NIPBL: variants seen among roughly 807,000 people sequenced by gnomAD.
The protein encoded by NIPBL is NIPBL cohesin loading factor.
NIPBL carries 19 observed loss-of-function variants against 321.8 expected under a neutral mutation model. The ratio of observed to expected loss-of-function variants is 0.06; its 90% CI spans 0.04 to 0.09. The LOEUF (loss-of-function observed/expected upper bound fraction) is 0.09. Ranked by LOEUF, NIPBL falls within the 10% of genes least tolerant of loss-of-function variation. NIPBL has a pLI of 1.00. For missense variants in NIPBL, 2,210 were observed against 3,327.0 expected (o/e 0.66, Z 8.26); for synonymous variants, 1,106 against 1,114.1 (o/e 0.99, Z 0.14).
chr5:36,985,389 A>G lies in NIPBL; in HGVS notation c.2209A>G (p.Lys737Glu). The change falls in exon 10 of 47, where the codon AAG becomes GAG. Residue 737 changes from lysine (K) to glutamate (E), a missense_variant. By Grantham distance (56) the Lys-to-Glu change is moderately conservative. Around this residue, in one of 14 missense-constraint regions of NIPBL, gnomAD observed 588 missense variants for 564.1 expected, o/e 1.04. Transcript: ENST00000282516. ...GGGTGATGGAAGGCCTGAAACTCCA[A>G]AGCAAAAAGGTGAGAGCCGCCCTGA... ...QKGDGRPETP[K>E]QKGESRPETP... 6.2e-7 allele frequency: 1 copy of G among 1,613,710 alleles called. No homozygotes were observed. Among genetic ancestry groups the G allele is most frequent in the Non-Finnish European group, 8.5e-7 (1 of 1,179,936 alleles).
rs748290328 is a variant in NIPBL, at chr5:37,064,740, G to A, written c.8263G>A (p.Asp2755Asn). Residue 2755 changes from aspartate to asparagine, a missense_variant, in exon 47 of 47, where the codon GAT (aspartate) becomes AAT (asparagine). By Grantham distance (23) the Asp-to-Asn change is conservative. Transcript: ENST00000282516. Reference protein sequence around the residue: ...SGSWTEAKRRDGRKLVPWVDT... With the variant: ...SGSWTEAKRRNGRKLVPWVDT... ...CTCCTGGACTGAGGCTAAGCGCCGT[G>A]ATGGCCGCAAACTGGTGCCTTGGGT... 6.5e-5 allele frequency: 105 copies of A among 1,614,198 alleles called. No individual in the cohort carries two copies. The highest frequency in any genetic ancestry group is 8.4e-5 in the Non-Finnish European group (99 of 1,180,036).
chr5:37,033,268 T>C (rs1204378187), intron 32 of NIPBL, among the ~76,000 whole-genome samples: 1 of 152,086 alleles, frequency 6.6e-6, no homozygotes, highest in Non-Finnish European at 1.5e-5. Flanking sequence ...GATTGTAAAA[T>C]GTATATGGAA....
chr5:37,064,566 T>C lies in NIPBL; in HGVS notation c.8089T>C (p.Leu2697=). The C allele has an allele frequency of 1.2e-6, 2 of 1,613,890 alleles. No individual in the cohort carries two copies. Among genetic ancestry groups the C allele is most frequent in the Non-Finnish European group, 1.7e-6 (2 of 1,180,014 alleles). The change falls in exon 47 of 47, where the codon TTG becomes CTG. Residue 2697 remains leucine, a synonymous_variant. Transcript: ENST00000282516. ...AAAACGAAATTCAGACTCTACGGAG[T>C]TGGCAGCACAGATGAATGAAAGTGT... ...RSKRNSDSTE[L]AAQMNESVDV...
chr5:37,010,572 C>G (rs1285391017), intron 21 of NIPBL, among the ~76,000 whole-genome samples: 1 of 152,152 alleles, frequency 6.6e-6, no homozygotes, highest in Non-Finnish European at 1.5e-5. Context: ...TCCCAAAGTG[C>G]TGGGGTTACA....
intron 33 of NIPBL, among the ~76,000 whole-genome samples, chr5:37,037,930 C>G (rs1751894282): frequency 6.6e-6 from 1 of 151,138 alleles, no homozygotes; most frequent in South Asian, 2.1e-4. Context: ...TGTACCAGTA[C>G]CCTTAAACAC....
chr5:36,995,734 A>T lies in NIPBL; in HGVS notation c.3234A>T (p.Thr1078=). The change falls in exon 11 of 47, where the codon ACA becomes ACT. Residue 1078 remains threonine, a synonymous_variant. Transcript: ENST00000282516. ...RVKMNKRKRS[T]VNEKPKYAEI... is the part of the protein sequence containing the mutation. Reference sequence around the variant, plus strand: ...AAATGAACAAACGCAAGCGTAGCACAGTTAATGAAAAGCCAAAATATGCTG... The same window carrying T: ...AAATGAACAAACGCAAGCGTAGCACTGTTAATGAAAAGCCAAAATATGCTG... 2 of 1,613,894 alleles carry T rather than the reference A, an allele frequency of 1.2e-6. No homozygotes were observed. The highest frequency in any genetic ancestry group is 2.2e-5 in the South Asian group (2 of 91,084).
At chr5:36,898,874 G>T (rs1189726512) in intron 1 of NIPBL, among the ~76,000 whole-genome samples, 7 of 151,846 alleles carry the variant, frequency 4.6e-5, no homozygotes, top group African/African-American at 1.2e-4. Flanking sequence ...CTTTTAATTG[G>T]CATACTATAT....
In NIPBL at chr5:37,001,077, T is replaced by C; in HGVS notation, c.3663T>C (p.Phe1221=). 6.3e-7 allele frequency: 1 copy of C among 1,588,406 alleles called. No homozygotes were observed. Among genetic ancestry groups the C allele is most frequent in the East Asian group, 2.2e-5 (1 of 44,604 alleles). The change falls in exon 14 of 47, where the codon TTT becomes TTC. Residue 1221 remains phenylalanine, a splice_region_variant and synonymous_variant. Coordinates refer to ENST00000282516, the MANE Select transcript of NIPBL (RefSeq NM_133433.4). ...DNLEDMDFTA[F]GDDDEIPQEL... ...TGGAAGATATGGATTTTACTGCGTT[T>C]GGTAAAATCAACTTAAAATACATTT...
intron 1 of NIPBL, among the ~76,000 whole-genome samples, chr5:36,931,307 C>T (rs1749756773): frequency 6.6e-6 from 1 of 151,500 alleles, no homozygotes. Context: ...TTAATATTCC[C>T]TTTTAATTCT....
At chr5:36,952,835 G>C (rs140380581) in intron 1 of NIPBL, among the ~76,000 whole-genome samples, 1 of 152,254 alleles carries the variant, frequency 6.6e-6, no homozygotes, top group African/African-American at 2.4e-5. Context: ...TTAAGTAATC[G>C]TGCAAGATTG....
At chr5:36,917,761 C>T (rs1227899959) in intron 1 of NIPBL, among the ~76,000 whole-genome samples, 4 of 152,184 alleles carry the variant, frequency 2.6e-5, no homozygotes, top group Non-Finnish European at 5.9e-5. Context: ...GTTTTCCCAG[C>T]ACCATTTATT....
chr5:36,920,916 A>G (rs1406211576), intron 1 of NIPBL, among the ~76,000 whole-genome samples: 1 of 149,080 alleles, frequency 6.7e-6, no homozygotes, highest in Admixed American at 6.7e-5. Flanking sequence ...CTACATTCCC[A>G]TTCTCTGCTT....
intron 1 of NIPBL, among the ~76,000 whole-genome samples, chr5:36,932,251 G>A (rs183971026): frequency 1.0e-3 from 156 of 152,244 alleles, no homozygotes; most frequent in Non-Finnish European, 1.8e-3. Context: ...GTAAACTTAA[G>A]TTAGGTCATT....
At chr5:36,976,474 A>G in intron 9 of NIPBL, 72 bp downstream of exon 9, 1 of 1,504,738 alleles carries the variant, frequency 6.6e-7, no homozygotes, top group East Asian at 2.3e-5. Context: ...AATTTTTTTC[A>G]CATTACTTTT....
At chr5:37,000,270 A>T (rs2149668770) in intron 11 of NIPBL, 103 bp from the exon 12 acceptor site, 2 of 1,093,116 alleles carry the variant, frequency 1.8e-6, no homozygotes, top group East Asian at 5.1e-5. Context: ...CCTAGACCCT[A>T]TGGAATGAAG....
At chr5:37,015,932 CAT>C (rs2149690519) in intron 22 of NIPBL, 104 bp from the exon 23 acceptor site, 3 of 1,073,776 alleles carry the variant, frequency 2.8e-6, no homozygotes, top group East Asian at 2.4e-5. Flanking sequence ...TGTTACTAAA[CAT>C]AGAAAAAAGA....
At chr5:36,957,997 A>T in intron 3 of NIPBL, 107 bp from the exon 4 acceptor site, 1 of 1,202,152 alleles carries the variant, frequency 8.3e-7, no homozygotes, top group Admixed American at 2.1e-5. Context: ...AAAAAAAAAA[A>T]AAAATTCATA....
intron 32 of NIPBL, 52 bp downstream of exon 32, chr5:37,027,464 TG>T (rs779704320): frequency 1.4e-6 from 2 of 1,382,630 alleles, no homozygotes; most frequent in South Asian, 2.4e-5. Context: ...GTTAGTTTTT[TG>T]TTGTTGGTGT....
At chr5:37,022,626 T>C (rs1749777421) in intron 29 of NIPBL, among the ~76,000 whole-genome samples, 1 of 152,240 alleles carries the variant, frequency 6.6e-6, no homozygotes, top group African/African-American at 2.4e-5. Context: ...GCTGTTTCTT[T>C]TTAATTATAC....
Sources: gnomAD v4.1 joint callset for allele counts (sites outside exome capture counted in the v4.1 genomes callset) on GRCh38, gnomAD v4.1.1 for gene constraint, gnomAD v4.1.1 regional missense constraint, MANE v1.5 for transcripts, NCBI Gene and HGNC (gene_info 2026-07-23, HGNC 2026-07-21) for gene names.